The following CDH12 variants were observed in gnomAD, a reference collection of about 807,000 sequenced individuals.
CDH12 encodes cadherin-12.
In CDH12, 41 loss-of-function variants were observed where a neutral mutation model predicts 74.1. The ratio of observed to expected loss-of-function variants is 0.55; its 90% CI spans 0.43 to 0.72. The LOEUF is 0.72. CDH12 is among the 30% of genes least tolerant of loss of function. The pLI, the probability that CDH12 is intolerant of heterozygous loss-of-function variation, is 0.00. For missense variants in CDH12, 945 were observed against 977.2 expected, an observed-to-expected ratio of 0.97 and a Z score of 0.44; for synonymous variants, 399 against 355.0, an observed-to-expected ratio of 1.12 and a Z score of -1.39.
intron 5 of CDH12, among the ~76,000 whole-genome samples, chr5:22,059,589 A>G (rs1161429758): frequency 6.6e-6 from 1 of 152,124 alleles, no homozygotes; most frequent in Non-Finnish European, 1.5e-5. Flanking sequence ...GGCCTTTAGT[A>G]TATCATTGGA....
chr5:21,895,386 TGAGTA>T (rs765041550), intron 6 of CDH12, among the ~76,000 whole-genome samples: 4 of 152,298 alleles, frequency 2.6e-5, no homozygotes. Context: ...GCCCTGGCAC[TGAGTA>T]GAGAAGAGAA....
rs1158646241 is a variant in CDH12 at position 21,849,816 on chromosome 5, G to A, written c.646+4855C>T. Among the ~76,000 whole-genome samples the A allele has an allele frequency of 3.3e-5, 5 of 151,696 alleles. No individual in the cohort carries two copies. The South Asian group carries it at 8.3e-4, about 25-fold the overall frequency. On this transcript the variant is annotated intron_variant, in intron 7 of 14. Coordinates refer to ENST00000382254, the MANE Select transcript of CDH12 (RefSeq NM_004061.5). ...CCCTTTTCTGGGTCTATACCCAAAG[G>A]AAATGAAATTATCGCCTCATAAAGA...
intron 2 of CDH12, among the ~76,000 whole-genome samples, chr5:22,471,731 T>C (rs1745967881): frequency 1.3e-5 from 2 of 152,330 alleles, no homozygotes; most frequent in South Asian, 4.1e-4. Flanking sequence ...TGCCTTGCTC[T>C]AACAGCACCA....
intron 2 of CDH12, among the ~76,000 whole-genome samples, chr5:22,432,549 CTG>C (rs745755156): frequency 6.0e-5 from 9 of 149,258 alleles, no homozygotes; most frequent in Admixed American, 6.7e-5. Context: ...ATGTTTATGT[CTG>C]TGTGTGTGTG....
chr5:22,031,727 C>A (rs1738838329), intron 5 of CDH12, among the ~76,000 whole-genome samples: 1 of 152,092 alleles, frequency 6.6e-6, no homozygotes, highest in South Asian at 2.1e-4. Flanking sequence ...AGGAGAGAGA[C>A]AGGGAAATGG....
At chr5:22,029,266 T>A (rs1738631121) in intron 5 of CDH12, among the ~76,000 whole-genome samples, 1 of 151,862 alleles carries the variant, frequency 6.6e-6, no homozygotes, top group Non-Finnish European at 1.5e-5. Context: ...ACAAATGGGA[T>A]CTAATTAAAC....
intron 3 of CDH12, among the ~76,000 whole-genome samples, chr5:22,220,684 G>C (rs7729925): frequency 0.069 from 10,483 of 151,244 alleles, 484 homozygotes; most frequent in South Asian, 0.15. Flanking sequence ...AGGAAGAGGA[G>C]GATAAAATTT....
intron 1 of CDH12, among the ~76,000 whole-genome samples, chr5:22,616,153 A>G (rs1330654238): frequency 1.3e-5 from 2 of 152,088 alleles, no homozygotes; most frequent in Non-Finnish European, 2.9e-5. Flanking sequence ...TGAGTCAAAC[A>G]TCTACCTGTC....
intron 5 of CDH12, among the ~76,000 whole-genome samples, chr5:22,072,258 T>A (rs1173255451): frequency 6.6e-6 from 1 of 152,138 alleles, no homozygotes; most frequent in African/African-American, 2.4e-5. Flanking sequence ...GAATTGAACC[T>A]TTCCATACTT....
In CDH12 at chr5:21,888,695, T is replaced by G. The variant is rs111530930; in HGVS notation, c.527-33905A>C. Among the ~76,000 whole-genome samples, 987 of 152,254 alleles carry G rather than the reference T, an allele frequency of 6.5e-3. 15 individuals carry two copies. The highest frequency in any genetic ancestry group is 0.023 in the African/African-American group (955 of 41,570). ...ATAATACTTTTAAAGTTTGTATTGT[T>G]ATTCCTACATAGATATAAGTAAATT... On this transcript the variant is annotated intron_variant, in intron 6 of 14. Transcript: ENST00000382254.
At chr5:22,337,729 T>C (rs1739655121) in intron 3 of CDH12, among the ~76,000 whole-genome samples, 1 of 152,186 alleles carries the variant, frequency 6.6e-6, no homozygotes, top group South Asian at 2.1e-4. Context: ...TTAGCAGCAA[T>C]GTGAGAATGG....
chr5:22,768,905 T>A (rs1746661170), intron 1 of CDH12, among the ~76,000 whole-genome samples: 1 of 152,168 alleles, frequency 6.6e-6, no homozygotes, highest in South Asian at 2.1e-4. Context: ...CCTCTTCTAA[T>A]ATCATTATTT....
At chr5:22,284,950 G>GA (rs58641614) in intron 3 of CDH12, among the ~76,000 whole-genome samples, 121,347 of 140,510 alleles carry the variant, frequency 0.86, 52,382 homozygotes, top group East Asian at 0.95. Context: ...AAGAAGAAAT[G>GA]AAAAAAAAAA....
chr5:22,313,512 G>C (rs141174019), intron 3 of CDH12, among the ~76,000 whole-genome samples: 1 of 152,128 alleles, frequency 6.6e-6, no homozygotes, highest in South Asian at 2.1e-4. Context: ...TGTTCTAAAA[G>C]TCTCATTTCT....
intron 5 of CDH12, among the ~76,000 whole-genome samples, chr5:21,984,880 A>G (rs1482499748): frequency 6.6e-6 from 1 of 152,214 alleles, no homozygotes; most frequent in Admixed American, 6.5e-5. Flanking sequence ...ATTTACAAAC[A>G]TCATACCAAT....
intron 6 of CDH12, among the ~76,000 whole-genome samples, chr5:21,924,124 A>T (rs368432667): frequency 1.3e-5 from 2 of 152,220 alleles, no homozygotes; most frequent in African/African-American, 4.8e-5. Context: ...TGGAAATAGA[A>T]AAACTAAAAG....
intron 4 of CDH12, among the ~76,000 whole-genome samples, chr5:22,155,713 A>T (rs555248715): frequency 6.6e-6 from 1 of 152,146 alleles, no homozygotes; most frequent in Non-Finnish European, 1.5e-5. Context: ...AATCAGAAAT[A>T]CTGTATTAGC....
At chr5:22,682,899 A>T (rs1035442023) in intron 1 of CDH12, among the ~76,000 whole-genome samples, 1 of 152,130 alleles carries the variant, frequency 6.6e-6, no homozygotes, top group Non-Finnish European at 1.5e-5. Context: ...TAAGAAGAAA[A>T]ATTCACAGCC....
At chr5:21,799,323 G>A (rs1033129988) in intron 10 of CDH12, among the ~76,000 whole-genome samples, 3 of 152,030 alleles carry the variant, frequency 2.0e-5, no homozygotes, top group African/African-American at 7.2e-5. Context: ...ACAACTGCTT[G>A]CAGTAAAATG....
Sources: gnomAD v4.1 joint callset for allele counts (sites outside exome capture counted in the v4.1 genomes callset) on GRCh38, gnomAD v4.1.1 for gene constraint, MANE v1.5 for transcripts, NCBI Gene and HGNC (gene_info 2026-07-23, HGNC 2026-07-21) for gene names.